The following ZNF423 variants were observed in gnomAD, a reference collection of about 807,000 sequenced individuals.
The protein encoded by ZNF423 is Ebf-associated zinc finger protein.
In ZNF423, 12 loss-of-function variants were observed where a neutral mutation model predicts 95.8. The observed-to-expected ratio is 0.13, with a 90% confidence interval of 0.08 to 0.20. The LOEUF is 0.20. ZNF423 is among the 10% of genes least tolerant of loss of function. ZNF423 has a pLI of 1.00. For synonymous variants in ZNF423, 749 were observed against 711.9 expected, an observed-to-expected ratio of 1.05 and a Z score of -0.83; for missense variants, 1,316 against 1,737.1, an observed-to-expected ratio of 0.76 and a Z score of 4.31.
chr16:49,684,267 G>A (rs988309353), intron 3 of ZNF423, among the ~76,000 whole-genome samples: 1 of 152,198 alleles, frequency 6.6e-6, no homozygotes, highest in African/African-American at 2.4e-5. Context: ...TTTGGGTAAT[G>A]AGGAATTTTT....
intron 5 of ZNF423, among the ~76,000 whole-genome samples, chr16:49,544,303 G>A (rs1850486517): frequency 6.6e-6 from 1 of 152,192 alleles, no homozygotes; most frequent in South Asian, 2.1e-4. Flanking sequence ...TTCTCGATCT[G>A]GATGTGTTCT....
At chr16:49,525,300 A>G (rs1238230484) in intron 6 of ZNF423, 63 bp downstream of exon 6, 2 of 1,594,174 alleles carry the variant, frequency 1.3e-6, no homozygotes, top group Non-Finnish European at 1.7e-6. Context: ...GGATCCCGCA[A>G]TAACAGGGCA....
At chr16:49,839,574 G>T (rs554262805) in intron 1 of ZNF423, among the ~76,000 whole-genome samples, 4 of 152,224 alleles carry the variant, frequency 2.6e-5, no homozygotes, top group African/African-American at 9.6e-5. Flanking sequence ...CAGCGGAGGA[G>T]CGGGACATGA....
At chr16:49,677,788 A>G (rs1006276208) in intron 3 of ZNF423, among the ~76,000 whole-genome samples, 1 of 150,786 alleles carries the variant, frequency 6.6e-6, no homozygotes, top group African/African-American at 2.5e-5. Context: ...GAGAGAGAGA[A>G]TGATTAGAAA....
intron 1 of ZNF423, among the ~76,000 whole-genome samples, chr16:49,822,414 T>C (rs2034956063): frequency 6.6e-6 from 1 of 152,090 alleles, no homozygotes; most frequent in South Asian, 2.1e-4. Flanking sequence ...CCTCAGGCGA[T>C]CCACCTGCCT....
chr16:49,702,023 C>G (rs1009062204), intron 3 of ZNF423, among the ~76,000 whole-genome samples: 2 of 152,168 alleles, frequency 1.3e-5, no homozygotes, highest in African/African-American at 4.8e-5. Flanking sequence ...TGAAAGGAAA[C>G]CCCCAGGGGT....
chr16:49,638,330 C>A lies in ZNF423; in HGVS notation c.846G>T (p.Gln282His). Residue 282 changes from glutamine (Q) to histidine (H), a missense_variant, in exon 4 of 8, where the codon CAG becomes CAT. Around this residue, in one of 6 missense-constraint regions of ZNF423, gnomAD observed 399 missense variants for 478.5 expected, o/e 0.83. Transcript: ENST00000563137. The surrounding 1 kb of genome is among the most constrained non-coding windows in gnomAD (Gnocchi z 5.6). Reference sequence around the variant, plus strand: ...GCACGTGCTTCTCCAGCTCCTCCGTCTGGCTGAAGGTGTCCTCGCAGTAGT... The same window carrying A: ...GCACGTGCTTCTCCAGCTCCTCCGTATGGCTGAAGGTGTCCTCGCAGTAGT... ...MCDYCEDTFS[Q>H]TEELEKHVLT... The A allele has an allele frequency of 6.2e-7, 1 of 1,614,126 alleles. No homozygotes were observed. The highest frequency in any genetic ancestry group is 8.5e-7 in the Non-Finnish European group (1 of 1,180,054).
intron 5 of ZNF423, among the ~76,000 whole-genome samples, chr16:49,604,227 T>C (rs1022299593): frequency 3.3e-5 from 5 of 152,168 alleles, no homozygotes; most frequent in African/African-American, 4.8e-5. Flanking sequence ...CCACGGCCAC[T>C]GACATTTCAT....
chr16:49,628,588 T>C (rs149452211), intron 4 of ZNF423, among the ~76,000 whole-genome samples: 102 of 152,286 alleles, frequency 6.7e-4, no homozygotes, highest in African/African-American at 2.4e-3. Context: ...TTTCTACCTA[T>C]CCAATAACCT....
chr16:49,828,718 A>C (rs1265216857), intron 1 of ZNF423, among the ~76,000 whole-genome samples: 3 of 152,226 alleles, frequency 2.0e-5, no homozygotes, highest in South Asian at 4.1e-4. Flanking sequence ...GCTCCAGGCG[A>C]GTCCTGTGTG....
intron 7 of ZNF423, among the ~76,000 whole-genome samples, chr16:49,505,033 C>T (rs974138458): frequency 2.0e-5 from 3 of 152,154 alleles, no homozygotes; most frequent in African/African-American, 7.2e-5. Flanking sequence ...ACAGGGCACA[C>T]CTACACATGA....
intron 3 of ZNF423, among the ~76,000 whole-genome samples, chr16:49,669,201 C>T (rs1378582377): frequency 6.6e-6 from 1 of 151,896 alleles, no homozygotes; most frequent in Admixed American, 6.6e-5. Flanking sequence ...TGGTGGCGCA[C>T]ACCTGTAATC....
At position 49,732,756 on chromosome 16, in the gene ZNF423, T is replaced by G. The variant is rs185367717; in HGVS notation, c.101-1785A>C. Among the ~76,000 whole-genome samples the G allele has an allele frequency of 3.7e-3, 569 of 152,310 alleles. 3 individuals carry two copies. The highest frequency in any genetic ancestry group is 5.7e-3 in the Non-Finnish European group (391 of 68,036). ...TGGAAACAGATAATGTTATAAGGGCTCTATTTCTCCTGTCTGCACAGAACA... is the reference window on the plus strand; with the variant it reads ...TGGAAACAGATAATGTTATAAGGGCGCTATTTCTCCTGTCTGCACAGAACA... On this transcript the variant is annotated intron_variant, in intron 2 of 7. Transcript: ENST00000563137.
At chr16:49,596,540 G>C (rs947871734) in intron 5 of ZNF423, among the ~76,000 whole-genome samples, 1 of 152,158 alleles carries the variant, frequency 6.6e-6, no homozygotes, top group Non-Finnish European at 1.5e-5. Flanking sequence ...AAAAGCTATA[G>C]GTCTTAATTG....
At chr16:49,702,588 C>T (rs1404668238) in intron 3 of ZNF423, among the ~76,000 whole-genome samples, 3 of 152,204 alleles carry the variant, frequency 2.0e-5, no homozygotes, top group Non-Finnish European at 4.4e-5. Flanking sequence ...ACCCCCAGCC[C>T]TCAAGGAGAG....
intron 3 of ZNF423, among the ~76,000 whole-genome samples, chr16:49,715,103 C>T (rs2143185542): frequency 6.6e-6 from 1 of 152,274 alleles, no homozygotes; most frequent in African/African-American, 2.4e-5. Flanking sequence ...TACTATGCAC[C>T]AGGTCTGCCA....
chr16:49,548,767 GT>G, intron 5 of ZNF423, among the ~76,000 whole-genome samples: 1 of 152,194 alleles, frequency 6.6e-6, no homozygotes. Flanking sequence ...ACCAGGAAAA[GT>G]TTCCCAAGAG....
At chr16:49,629,953 A>C (rs1279472426) in intron 4 of ZNF423, among the ~76,000 whole-genome samples, 2 of 152,216 alleles carry the variant, frequency 1.3e-5, no homozygotes, top group Admixed American at 1.3e-4. Flanking sequence ...TGAATGAAGA[A>C]ACAACTGGAG....
At chr16:49,792,244 G>T (rs900844287) in intron 1 of ZNF423, among the ~76,000 whole-genome samples, 4 of 152,162 alleles carry the variant, frequency 2.6e-5, no homozygotes, top group Non-Finnish European at 4.4e-5. Context: ...ACTCAAGGTG[G>T]TTTAGTTAAG....
Sources: allele counts gnomAD v4.1 joint callset (sites outside exome capture counted in the v4.1 genomes callset), GRCh38; gene constraint gnomAD v4.1.1; regional missense constraint gnomAD v4.1.1; non-coding constraint Gnocchi (gnomAD v3.1); transcripts MANE v1.5; gene names NCBI Gene and HGNC (gene_info 2026-07-23, HGNC 2026-07-21).